PTPRQ: variants seen among roughly 807,000 people sequenced by gnomAD.
PTPRQ encodes phosphatidylinositol phosphatase PTPRQ.
A neutral mutation model predicts 246.0 loss-of-function variants in PTPRQ; 199 were observed. That is an observed-to-expected ratio of 0.81 (90% CI 0.72 to 0.91). PTPRQ has a LOEUF of 0.91. PTPRQ is among the 40% of genes least tolerant of loss of function. The probability of loss-of-function intolerance (pLI) is 0.00; values close to 1 mark genes in which losing one functional copy is unlikely to be tolerated. For missense variants in PTPRQ, 2,624 were observed against 2,528.4 expected (o/e 1.04, Z -0.81); for synonymous variants, 869 against 853.2 (o/e 1.02, Z -0.32).
At chr12:80,599,326 T>G (rs529534309) in intron 26 of PTPRQ, among the ~76,000 whole-genome samples, 1 of 151,974 alleles carries the variant, frequency 6.6e-6, no homozygotes, top group South Asian at 2.1e-4. Flanking sequence ...ACTGAGTAAA[T>G]TGCTGTGATT....
At chr12:80,463,632 C>A (rs1434006194) in intron 6 of PTPRQ, among the ~76,000 whole-genome samples, 2 of 151,698 alleles carry the variant, frequency 1.3e-5, no homozygotes, top group East Asian at 3.9e-4. Context: ...GTCGGGTTAC[C>A]CACAAAGGGA....
intron 26 of PTPRQ, chr12:80,593,563 T>G (rs929181048): frequency 2.6e-5 from 4 of 152,172 alleles, no homozygotes; most frequent in Admixed American, 6.5e-5. Flanking sequence ...CCAAATTGCT[T>G]TTGTTCTCAA....
At chr12:80,586,813 T>C (rs1309353335) in intron 25 of PTPRQ, 1 of 152,164 alleles carries the variant, frequency 6.6e-6, no homozygotes, top group Non-Finnish European at 1.5e-5. Context: ...CAGACTTTTA[T>C]TTCTTGGCAT....
chr12:80,598,141 G>C (rs1242592848), intron 26 of PTPRQ, among the ~76,000 whole-genome samples: 1 of 151,850 alleles, frequency 6.6e-6, no homozygotes, highest in Non-Finnish European at 1.5e-5. Context: ...ATCATTCTTA[G>C]TATTCATGAA....
At chr12:80,498,978 A>C (rs550208531) in intron 14 of PTPRQ, among the ~76,000 whole-genome samples, 32 of 152,030 alleles carry the variant, frequency 2.1e-4, no homozygotes, top group Non-Finnish European at 3.7e-4. Context: ...AGTGAATATA[A>C]ATTTTGAGAT....
At chr12:80,458,524 C>T (rs1343630938) in intron 4 of PTPRQ, among the ~76,000 whole-genome samples, 3 of 150,380 alleles carry the variant, frequency 2.0e-5, no homozygotes, top group Non-Finnish European at 4.4e-5. Context: ...TACTAGGCAT[C>T]TTTACTATCA....
chr12:80,570,942 A>G (rs987635857), intron 25 of PTPRQ, among the ~76,000 whole-genome samples: 3 of 152,124 alleles, frequency 2.0e-5, no homozygotes, highest in Admixed American at 1.3e-4. Flanking sequence ...CCATTGGTCT[A>G]TATATCTGTT....
chr12:80,658,079 A>G lies in PTPRQ; in HGVS notation c.6192+18A>G, dbSNP rs1196988088. The stretch of plus-strand genomic sequence containing the variant: ...ATATTTCTGTAAGTTACTATTTTAT[A>G]TATTTTATAATTGTATAAAACATAA... On this transcript the variant is annotated intron_variant, in intron 39 of 44. Transcript: ENST00000644991. 7 of 1,270,098 alleles carry G rather than the reference A, an allele frequency of 5.5e-6. No individual in the cohort carries two copies. Among genetic ancestry groups the G allele is most frequent in the South Asian group, 2.1e-5 (1 of 48,122 alleles). The allele number at this position is 1,270,098 out of a possible 1,614,324, so 78.7% of individuals were successfully genotyped here.
chr12:80,546,701 A>G lies in PTPRQ; in HGVS notation c.4015+4A>G, dbSNP rs1896318995. On this transcript the variant is annotated splice_donor_region_variant and intron_variant, in intron 24 of 44. Coordinates refer to ENST00000644991, the MANE Select transcript of PTPRQ (RefSeq NM_001145026.2). Reference sequence around the variant, plus strand: ...AAATTCACAACCCAAGAATCAGGTTAGATACAGTTTTTGAGCCTAAAATGT... The same window carrying G: ...AAATTCACAACCCAAGAATCAGGTTGGATACAGTTTTTGAGCCTAAAATGT... The G allele has an allele frequency of 1.3e-6, 2 of 1,546,178 alleles. No individual in the cohort carries two copies. Among genetic ancestry groups the G allele is most frequent in the East Asian group, 4.9e-5 (2 of 40,832 alleles).
At chr12:80,487,053 A>G (rs896774915) in intron 9 of PTPRQ, among the ~76,000 whole-genome samples, 1 of 152,118 alleles carries the variant, frequency 6.6e-6, no homozygotes, top group Non-Finnish European at 1.5e-5. Flanking sequence ...CAGCCATCTC[A>G]TAACATTTTC....
At chr12:80,588,589 G>A (rs1310451788) in intron 26 of PTPRQ, 137 bp downstream of exon 26, 8 of 998,562 alleles carry the variant, frequency 8.0e-6, no homozygotes, top group African/African-American at 1.7e-5. Flanking sequence ...CATATATAAC[G>A]ACATATTTAG....
At chr12:80,674,922 T>C (rs1393767037) in intron 43 of PTPRQ, among the ~76,000 whole-genome samples, 2 of 152,152 alleles carry the variant, frequency 1.3e-5, no homozygotes, top group Admixed American at 6.5e-5. Context: ...GATGAATGTG[T>C]TAGTCTTGCC....
intron 38 of PTPRQ, among the ~76,000 whole-genome samples, chr12:80,654,801 A>G (rs1756944707): frequency 6.6e-6 from 1 of 151,982 alleles, no homozygotes; most frequent in Admixed American, 6.6e-5. Flanking sequence ...CAGAGGTTGC[A>G]GTGAGCCGAG....
Position 80,506,192 on chromosome 12 carries a change from C to A in PTPRQ, c.2441C>A (p.Thr814Asn). 1 of 1,485,910 alleles carries A rather than the reference C, an allele frequency of 6.7e-7. No individual in the cohort carries two copies. The highest frequency in any genetic ancestry group is 8.9e-7 in the Non-Finnish European group (1 of 1,120,672). The allele number at this position is 1,485,910 out of a possible 1,614,324, so 92.0% of individuals were successfully genotyped here. ...AGAACTATAAATACAACCTCTTTAACCCAAAACATTAAAGGTAAAAGAACA... is the reference window on the plus strand; with the variant it reads ...AGAACTATAAATACAACCTCTTTAAACCAAAACATTAAAGGTAAAAGAACA... ...EERTINTTSL[T>N]QNIKVLKKYT... is the part of the protein sequence containing the mutation. Residue 814 changes from threonine to asparagine, a missense_variant, in exon 15 of 45, where the codon ACC becomes AAC. Thr to Asn is a moderately conservative substitution (Grantham distance 65). Coordinates refer to ENST00000644991, the MANE Select transcript of PTPRQ (RefSeq NM_001145026.2).
chr12:80,537,206 C>T (rs1896013992), intron 19 of PTPRQ, among the ~76,000 whole-genome samples: 1 of 152,122 alleles, frequency 6.6e-6, no homozygotes, highest in East Asian at 1.9e-4. Context: ...TTAACTTATT[C>T]CTAAAGTTAA....
At chr12:80,471,698 C>T (rs927286321) in intron 7 of PTPRQ, among the ~76,000 whole-genome samples, 14 of 149,962 alleles carry the variant, frequency 9.3e-5, no homozygotes, top group Non-Finnish European at 1.5e-4. Context: ...GGGATGGTCT[C>T]GATCTCCTGA....
chr12:80,610,769 C>T (rs1370033412), intron 28 of PTPRQ, 144 bp downstream of exon 28: 12 of 958,500 alleles, frequency 1.3e-5, no homozygotes, highest in Non-Finnish European at 1.5e-5. Flanking sequence ...CTCTCTGCAA[C>T]TGACAAAAAG....
chr12:80,520,327 A>G (rs907579178), intron 17 of PTPRQ, among the ~76,000 whole-genome samples: 5 of 151,816 alleles, frequency 3.3e-5, no homozygotes, highest in African/African-American at 1.2e-4. Flanking sequence ...TATTTTTTGT[A>G]TTTTATGTCT....
intron 25 of PTPRQ, among the ~76,000 whole-genome samples, chr12:80,562,397 C>T (rs2120922784): frequency 6.6e-6 from 1 of 152,190 alleles, no homozygotes; most frequent in Non-Finnish European, 1.5e-5. Flanking sequence ...GTGAAACTAT[C>T]TGAACTTAGA....
Sources: allele counts gnomAD v4.1 joint callset (sites outside exome capture counted in the v4.1 genomes callset), GRCh38; gene constraint gnomAD v4.1.1; transcripts MANE v1.5; gene names NCBI Gene and HGNC (gene_info 2026-07-23, HGNC 2026-07-21).